MTMR8: variants seen among roughly 807,000 people sequenced by gnomAD.
The protein encoded by MTMR8 is phosphatidylinositol-3,5-bisphosphate 3-phosphatase MTMR8.
MTMR8 carries 65 observed loss-of-function variants against 39.3 expected under a neutral mutation model. The observed-to-expected ratio is 1.65, with a 90% CI of 1.35 to 2.03. The LOEUF is 2.03. Among genes scored for constraint, MTMR8 ranks in the 30% most tolerant of loss-of-function variants. The pLI, the probability that MTMR8 is intolerant of heterozygous loss-of-function variation, is 0.00. For synonymous variants in MTMR8, 245 were observed against 185.2 expected, an observed-to-expected ratio of 1.32 and a Z score of -2.62; for missense variants, 777 against 538.9, an observed-to-expected ratio of 1.44 and a Z score of -4.37.
intron 12 of MTMR8, among the ~76,000 whole-genome samples, chrX:64,328,009 A>G (rs999874162): frequency 8.9e-6 from 1 of 112,131 alleles, no homozygotes; most frequent in African/African-American, 3.2e-5. Flanking sequence ...AAAATGTAAT[A>G]GCAAAAAAAT....
chrX:64,294,923 A>G (rs1300321806), intron 12 of MTMR8, among the ~76,000 whole-genome samples: 1 of 111,675 alleles, frequency 9.0e-6, no homozygotes, highest in Non-Finnish European at 1.9e-5. Flanking sequence ...AACTGCCCCC[A>G]CATAAGGTAC....
chrX:64,389,427 C>A (rs1221862826), intron 1 of MTMR8, among the ~76,000 whole-genome samples: 1 of 112,196 alleles, frequency 8.9e-6, no homozygotes, highest in Non-Finnish European at 1.9e-5. Flanking sequence ...TAAAAAGACA[C>A]AACCCTAAAA....
Position 64,280,493 on chromosome X carries a change from C to T in MTMR8, c.1482-9420G>A, listed in dbSNP as rs762124333. ...TGCAGAAAAGGCCTTCGATAAAATT[C>T]AATGTCCTTCATGTTAAAAACTCTC... On this transcript the variant is annotated intron_variant, in intron 12 of 13. Coordinates refer to ENST00000374852, the MANE Select transcript of MTMR8 (RefSeq NM_017677.4). Among the ~76,000 whole-genome samples, 4 of 111,806 alleles carry T rather than the reference C, an allele frequency of 3.6e-5. No individual in the cohort carries two copies. In the South Asian group the frequency reaches 1.5e-3, roughly 42 times the overall value.
intron 12 of MTMR8, among the ~76,000 whole-genome samples, chrX:64,312,294 GCTCT>G (rs1433588526): frequency 2.7e-5 from 3 of 111,411 alleles, no homozygotes; most frequent in Admixed American, 9.6e-5. Context: ...TCATGATTTG[GCTCT>G]CTGTTTGTTT....
intron 12 of MTMR8, among the ~76,000 whole-genome samples, chrX:64,275,365 A>G (rs1464195713): frequency 9.0e-6 from 1 of 110,678 alleles, no homozygotes; most frequent in Non-Finnish European, 1.9e-5. Context: ...AAGGTTAGAG[A>G]AGAAATAAAT....
At chrX:64,297,807 C>G (rs984763222) in intron 12 of MTMR8, among the ~76,000 whole-genome samples, 5 of 111,238 alleles carry the variant, frequency 4.5e-5, no homozygotes, top group Non-Finnish European at 5.7e-5. Flanking sequence ...TATGACTAGA[C>G]AGTTTCCCCA....
At chrX:64,337,542 G>C in intron 8 of MTMR8, 149 bp from the exon 9 acceptor site, 1 of 577,514 alleles carries the variant, frequency 1.7e-6, no homozygotes, top group Non-Finnish European at 2.7e-6. Flanking sequence ...ATCCTCTATG[G>C]GGAATGAAAA....
intron 1 of MTMR8, among the ~76,000 whole-genome samples, chrX:64,365,951 G>T (rs1007485603): frequency 9.0e-6 from 1 of 111,250 alleles, no homozygotes; most frequent in Non-Finnish European, 1.9e-5. Context: ...AAAAGCAGGG[G>T]TTACAATCCT....
At chrX:64,332,659 G>C (rs999095252) in intron 10 of MTMR8, among the ~76,000 whole-genome samples, 5 of 111,458 alleles carry the variant, frequency 4.5e-5, no homozygotes, top group Non-Finnish European at 9.4e-5. Flanking sequence ...TAGAATCTCT[G>C]TGTCACTTCC....
intron 10 of MTMR8, 94 bp downstream of exon 10, chrX:64,335,985 C>T: frequency 3.3e-6 from 2 of 614,827 alleles, no homozygotes; most frequent in Non-Finnish European, 5.0e-6. Flanking sequence ...TCAACTTCCT[C>T]TTCCTTCCTT....
At chrX:64,387,681 T>G (rs1441165191) in intron 1 of MTMR8, among the ~76,000 whole-genome samples, 3 of 88,758 alleles carry the variant, frequency 3.4e-5, no homozygotes, top group Non-Finnish European at 6.6e-5. Context: ...GGGTTGGGGG[T>G]GAGGGGAAGA....
At chrX:64,350,884 T>G (rs1475506379) in intron 4 of MTMR8, among the ~76,000 whole-genome samples, 1 of 111,373 alleles carries the variant, frequency 9.0e-6, no homozygotes, top group Non-Finnish European at 1.9e-5. Flanking sequence ...TTAATTCTAA[T>G]CACTCCCCTA....
At chrX:64,362,586 G>A (rs1004531829) in intron 1 of MTMR8, among the ~76,000 whole-genome samples, 2 of 106,076 alleles carry the variant, frequency 1.9e-5, no homozygotes, top group Admixed American at 1.0e-4. Flanking sequence ...CATAAACATG[G>A]CACTACAAAT....
At position 64,317,467 on chromosome X, in the gene MTMR8, C is replaced by T. The variant is rs754061908; in HGVS notation, c.1481+11305G>A. Among the ~76,000 whole-genome samples the T allele has an allele frequency of 8.9e-5, 10 of 111,766 alleles. No homozygotes were observed. The East Asian group carries it at 2.3e-3, about 25-fold the overall frequency. On this transcript the variant is annotated intron_variant, in intron 12 of 13. Coordinates refer to ENST00000374852, the MANE Select transcript of MTMR8 (RefSeq NM_017677.4). ...TCATGTATTCTTTCCTCTTTCCCTT[C>T]CACTCTGCTGTTGAGCTGATCCATT...
intron 1 of MTMR8, among the ~76,000 whole-genome samples, chrX:64,387,915 G>A (rs969578518): frequency 2.7e-5 from 3 of 110,553 alleles, no homozygotes; most frequent in Non-Finnish European, 5.7e-5. Flanking sequence ...CACTAGGTAC[G>A]GTACAGATTT....
At chrX:64,372,444 C>T (rs1220270783) in intron 1 of MTMR8, among the ~76,000 whole-genome samples, 6 of 111,312 alleles carry the variant, frequency 5.4e-5, no homozygotes, top group Non-Finnish European at 9.4e-5. Context: ...TACATACATA[C>T]CACAAAACTC....
intron 2 of MTMR8, among the ~76,000 whole-genome samples, chrX:64,356,890 C>T (rs920043658): frequency 9.1e-6 from 1 of 110,494 alleles, no homozygotes; most frequent in African/African-American, 3.3e-5. Flanking sequence ...CAAGAAGTGG[C>T]ACAAACAGAA....
At chrX:64,305,403 G>T in intron 12 of MTMR8, 1 of 249,524 alleles carries the variant, frequency 4.0e-6, no homozygotes, top group South Asian at 5.7e-5. Context: ...TACAATATTG[G>T]CATCTATTAC....
At chrX:64,375,661 C>A (rs1396084061) in intron 1 of MTMR8, among the ~76,000 whole-genome samples, 1 of 111,353 alleles carries the variant, frequency 9.0e-6, no homozygotes, top group Non-Finnish European at 1.9e-5. Context: ...AGCTGTTTGC[C>A]CCTTCTGCCA....
Sources: allele counts gnomAD v4.1 joint callset (sites outside exome capture counted in the v4.1 genomes callset), GRCh38; gene constraint gnomAD v4.1.1; transcripts MANE v1.5; gene names NCBI Gene and HGNC (gene_info 2026-07-23, HGNC 2026-07-21).